RGS12: variants seen among roughly 807,000 people sequenced by gnomAD.
The protein encoded by RGS12 is regulator of G-protein signaling 12.
A neutral mutation model predicts 120.1 loss-of-function variants in RGS12; 66 were observed. The observed-to-expected ratio is 0.55, with a 90% CI of 0.45 to 0.67. The LOEUF is 0.67. Among genes scored for constraint, RGS12 ranks in the 30% least tolerant of loss-of-function variants. RGS12 has a pLI of 0.00. For synonymous variants in RGS12, 827 were observed against 804.7 expected (o/e 1.03, Z -0.47); for missense variants, 1,859 against 1,957.7 (o/e 0.95, Z 0.95).
At chr4:3,438,348 A>G (rs1308950683) in intron 17 of RGS12, among the ~76,000 whole-genome samples, 2 of 148,836 alleles carry the variant, frequency 1.3e-5, no homozygotes, top group African/African-American at 2.6e-5. Context: ...TGGGTCGGCA[A>G]CGTCACCCCC....
rs952053323 is a variant in RGS12, at chr4:3,366,607, G to A, written c.1999-19809G>A. On this transcript the variant is annotated intron_variant, in intron 3 of 17. Coordinates refer to ENST00000336727, the MANE Select transcript of RGS12 (RefSeq NM_001394154.1). The surrounding 1 kb of genome is among the most constrained non-coding windows in gnomAD (Gnocchi z 4.0). ...CCCGGTTCCTGGGTGTTCCGCGCCC[G>A]TCTCCTTTCTGCTGTTGAGAAACCT... Among the ~76,000 whole-genome samples the A allele has an allele frequency of 2.6e-5, 4 of 152,206 alleles. No individual in the cohort carries two copies. The highest frequency in any genetic ancestry group is 1.3e-4 in the Admixed American group (2 of 15,290).
At chr4:3,369,922 C>T (rs985316546) in intron 3 of RGS12, 12 of 745,088 alleles carry the variant, frequency 1.6e-5, no homozygotes, top group African/African-American at 3.7e-5. Context: ...GTGAACTGCA[C>T]CACGATGCTA....
chr4:3,304,338 C>T (rs1252889721), intron 1 of RGS12, among the ~76,000 whole-genome samples: 1 of 152,154 alleles, frequency 6.6e-6, no homozygotes, highest in Non-Finnish European at 1.5e-5. Flanking sequence ...GCTGCCTAAA[C>T]GTAGGTTATT....
intron 3 of RGS12, among the ~76,000 whole-genome samples, chr4:3,356,658 G>T (rs895623151): frequency 6.0e-5 from 9 of 148,848 alleles, no homozygotes; most frequent in African/African-American, 2.2e-4. Flanking sequence ...TTGTCTTTTT[G>T]TAACTGGCTT....
chr4:3,340,285 G>A (rs77868826), intron 2 of RGS12, among the ~76,000 whole-genome samples: 2,904 of 152,356 alleles, frequency 0.019, 93 homozygotes, highest in African/African-American at 0.067. Flanking sequence ...GAAGGGCGCT[G>A]CTGCTGTCGT....
At chr4:3,387,810 A>G (rs1021353570) in intron 4 of RGS12, among the ~76,000 whole-genome samples, 16 of 152,188 alleles carry the variant, frequency 1.1e-4, no homozygotes, top group African/African-American at 3.9e-4. Context: ...CAGGCAATTT[A>G]TACATGAAAG....
intron 3 of RGS12, among the ~76,000 whole-genome samples, chr4:3,382,236 TA>T (rs939853582): frequency 6.6e-6 from 1 of 152,208 alleles, no homozygotes; most frequent in Non-Finnish European, 1.5e-5. Context: ...ACATAACTTC[TA>T]AAAGTTCTTG....
Position 3,293,080 on chromosome 4 carries a change from G to C in RGS12, c.-121G>C, listed in dbSNP as rs1223656256. 6.8e-6 allele frequency: 1 copy of C among 147,260 alleles called. No homozygotes were observed. The highest frequency in any genetic ancestry group is 2.4e-5 in the African/African-American group (1 of 40,876). The allele number at this position is 147,260 out of a possible 1,614,324, so 9.1% of individuals were successfully genotyped here. A position where few individuals can be genotyped will look rare whatever the true frequency, so the allele number is the denominator to read the frequency against. On this transcript the variant is annotated 5_prime_UTR_variant, in exon 1 of 18. Transcript: ENST00000336727. Reference sequence around the variant, plus strand: ...GGCGCGGGCCGAAGCGCCCGGAGCGGGAGCGAGCGGCGCGGCCCGGTAGGT... The same window carrying C: ...GGCGCGGGCCGAAGCGCCCGGAGCGCGAGCGAGCGGCGCGGCCCGGTAGGT...
chr4:3,401,484 G>T (rs1560148617), intron 4 of RGS12, among the ~76,000 whole-genome samples: 1 of 152,222 alleles, frequency 6.6e-6, no homozygotes, highest in Admixed American at 6.5e-5. Context: ...TAGACGCATA[G>T]TTATTATCCC....
intron 4 of RGS12, among the ~76,000 whole-genome samples, chr4:3,387,551 C>T (rs1029066628): frequency 1.3e-5 from 2 of 152,106 alleles, no homozygotes; most frequent in African/African-American, 4.8e-5. Context: ...CAGAGGGATC[C>T]CGACACTCGT....
chr4:3,394,869 T>TA (rs923423222), intron 4 of RGS12, among the ~76,000 whole-genome samples: 29 of 147,760 alleles, frequency 2.0e-4, no homozygotes, highest in Non-Finnish European at 2.7e-4. Flanking sequence ...TTTTCAAACT[T>TA]AAAAAAAAAA....
In RGS12 at chr4:3,414,827, G is replaced by A; in HGVS notation, c.2266G>A (p.Ala756Thr). 9.9e-6 allele frequency: 16 copies of A among 1,613,094 alleles called. No homozygotes were observed. Among genetic ancestry groups the A allele is most frequent in the Non-Finnish European group, 1.4e-5 (16 of 1,179,128 alleles). The change falls in exon 6 of 18, where the codon GCA becomes ACA. Residue 756 changes from alanine (A) to threonine (T), a missense_variant. This residue lies in a region of RGS12 where 375 missense variants were observed against 475.0 expected (regional missense o/e 0.79). Coordinates refer to ENST00000336727, the MANE Select transcript of RGS12 (RefSeq NM_001394154.1). ...CTGTGAATATTTTAATCATGTTCCT[G>A]CACATGACAAAAAGGAGGTAAGTCC... is the stretch of plus-strand genomic sequence containing the variant. ...QACEYFNHVP[A>T]HDKKELSYRA...
At chr4:3,388,447 C>A (rs945176319) in intron 4 of RGS12, among the ~76,000 whole-genome samples, 1 of 152,244 alleles carries the variant, frequency 6.6e-6, no homozygotes, top group Non-Finnish European at 1.5e-5. Context: ...CACATTCTGC[C>A]GTTGTTAGAT....
At chr4:3,396,045 T>G (rs1001659156) in intron 4 of RGS12, among the ~76,000 whole-genome samples, 1 of 152,228 alleles carries the variant, frequency 6.6e-6, no homozygotes, top group Non-Finnish European at 1.5e-5. Context: ...TTATACTATA[T>G]TGTTTTTATT....
intron 9 of RGS12, among the ~76,000 whole-genome samples, chr4:3,419,690 C>T (rs1722793788): frequency 6.6e-6 from 1 of 151,654 alleles, no homozygotes; most frequent in East Asian, 1.9e-4. Flanking sequence ...TGTGGTGGCG[C>T]ACCTGTTGCC....
At chr4:3,343,455 A>G (rs905176065) in intron 3 of RGS12, among the ~76,000 whole-genome samples, 9 of 152,004 alleles carry the variant, frequency 5.9e-5, no homozygotes, top group African/African-American at 2.2e-4. Flanking sequence ...CAATGAAAAG[A>G]TTTTATTTTT....
intron 3 of RGS12, among the ~76,000 whole-genome samples, chr4:3,377,152 C>T (rs1717790395): frequency 6.6e-6 from 1 of 152,006 alleles, no homozygotes; most frequent in Admixed American, 6.6e-5. Context: ...CATCAGAGTC[C>T]CAGCTACTTA....
rs754462092 is a variant in RGS12 at position 3,425,449 on chromosome 4, T to C, written c.3235-15T>C. On this transcript the variant is annotated splice_polypyrimidine_tract_variant and intron_variant, in intron 13 of 17. Coordinates refer to ENST00000336727, the MANE Select transcript of RGS12 (RefSeq NM_001394154.1). ...CCAGTCTGGGTAAATTATTCAGTGC[T>C]GATCTCTGCCCTAGAGTGGAGAGAA... 49 of 1,603,318 alleles carry C rather than the reference T, an allele frequency of 3.1e-5. No homozygotes were observed. Among genetic ancestry groups the C allele is most frequent in the African/African-American group, 4.0e-5 (3 of 74,646 alleles).
chr4:3,337,258 G>T (rs1264767147), intron 2 of RGS12, among the ~76,000 whole-genome samples: 1 of 152,182 alleles, frequency 6.6e-6, no homozygotes, highest in African/African-American at 2.4e-5. Context: ...TGGAGTCCTG[G>T]CGCACTGCTG....
Sources: allele counts gnomAD v4.1 joint callset (sites outside exome capture counted in the v4.1 genomes callset), GRCh38; gene constraint gnomAD v4.1.1; regional missense constraint gnomAD v4.1.1; non-coding constraint Gnocchi (gnomAD v3.1); transcripts MANE v1.5; gene names NCBI Gene and HGNC (gene_info 2026-07-23, HGNC 2026-07-21).